Variants in DOCK3 observed in about 807,000 individuals in gnomAD.
DOCK3 encodes dedicator of cytokinesis 3, also known as dedicator of cytokinesis protein 3.
DOCK3 carries 60 observed loss-of-function variants against 265.6 expected under a neutral mutation model. The observed-to-expected ratio is 0.23, with a 90% CI of 0.18 to 0.28. DOCK3 has a LOEUF of 0.28. Among genes scored for constraint, DOCK3 ranks in the 10% least tolerant of loss-of-function variants. The probability of loss-of-function intolerance (pLI) is 1.00; values close to 1 mark genes in which losing one functional copy is unlikely to be tolerated. For missense variants in DOCK3, 1,981 were observed against 2,594.3 expected, an observed-to-expected ratio of 0.76 and a Z score of 5.14; for synonymous variants, 881 against 938.0, an observed-to-expected ratio of 0.94 and a Z score of 1.11.
chr3:51,199,275 G>A (rs954926067), intron 12 of DOCK3, among the ~76,000 whole-genome samples: 7 of 152,150 alleles, frequency 4.6e-5, no homozygotes, highest in East Asian at 1.9e-4. Context: ...AGGGAGTTCC[G>A]TTTCCTAGTC....
rs1373296151 is a variant in DOCK3, at chr3:51,384,090, CAAGT to C, written c.*2534_*2537del. 7.9e-5 allele frequency: 12 copies of C among 152,766 alleles called. No homozygotes were observed. The highest frequency in any genetic ancestry group is 7.8e-4 in the Admixed American group (12 of 15,310). The allele number at this position is 152,766 out of a possible 1,614,324, so 9.5% of individuals were successfully genotyped here. On this transcript the variant is annotated 3_prime_UTR_variant, in exon 53 of 53. Coordinates refer to ENST00000266037, the MANE Select transcript of DOCK3 (RefSeq NM_004947.5). The stretch of plus-strand genomic sequence containing the variant: ...TTGTGGTAGCATGTTCAAAATCCAA[CAAGT>C]AATGTGAATTTTAGATGTAAATATC...
intron 5 of DOCK3, among the ~76,000 whole-genome samples, chr3:51,047,540 A>G (rs2080826826): frequency 2.0e-5 from 3 of 152,052 alleles, no homozygotes; most frequent in South Asian, 2.1e-4. Flanking sequence ...GAGAGAGAAG[A>G]CTCATAAATA....
chr3:50,787,411 T>C, intron 2 of DOCK3: 1 of 411,964 alleles, frequency 2.4e-6, no homozygotes, highest in South Asian at 2.3e-5. Flanking sequence ...GATGCATGCC[T>C]GTAATCCCAG....
At chr3:51,181,600 G>A (rs1298107744) in intron 12 of DOCK3, among the ~76,000 whole-genome samples, 1 of 151,994 alleles carries the variant, frequency 6.6e-6, no homozygotes, top group Non-Finnish European at 1.5e-5. Context: ...AGGCATAATA[G>A]CCTATTTAAT....
At chr3:51,375,905 T>A (rs2088085510) in intron 51 of DOCK3, 70 bp downstream of exon 51, 6 of 1,535,078 alleles carry the variant, frequency 3.9e-6, no homozygotes, top group African/African-American at 2.7e-5. Context: ...TGTCCCTGAG[T>A]ACCAGCTGGC....
chr3:50,770,188 C>T (rs193268688), intron 1 of DOCK3, among the ~76,000 whole-genome samples: 73 of 152,128 alleles, frequency 4.8e-4, no homozygotes, highest in African/African-American at 1.7e-3. Context: ...ATGATATTAT[C>T]TTATATTTGG....
intron 1 of DOCK3, chr3:50,685,935 T>A (rs968333399): frequency 6.6e-6 from 1 of 152,326 alleles, no homozygotes; most frequent in African/African-American, 2.4e-5. Context: ...TTTTTGGATA[T>A]TAATCCTTTA....
chr3:50,878,743 G>A (rs1311150761), intron 3 of DOCK3, among the ~76,000 whole-genome samples: 4 of 152,058 alleles, frequency 2.6e-5, no homozygotes, highest in Non-Finnish European at 5.9e-5. Flanking sequence ...AGCTAGCAAG[G>A]CAGGCCAACA....
At chr3:50,788,224 C>T in intron 2 of DOCK3, 1 of 749,432 alleles carries the variant, frequency 1.3e-6, no homozygotes, top group Middle Eastern at 2.7e-4. Context: ...TTGTGCCATT[C>T]CTGCTACAGG....
chr3:51,137,136 T>C (rs975130994), intron 9 of DOCK3, among the ~76,000 whole-genome samples: 8 of 152,154 alleles, frequency 5.3e-5, no homozygotes, highest in Admixed American at 2.6e-4. Context: ...TATTTCTGCT[T>C]TCTGTGCTTT....
intron 5 of DOCK3, among the ~76,000 whole-genome samples, chr3:50,996,571 A>G (rs2078292366): frequency 6.6e-6 from 1 of 151,154 alleles, no homozygotes. Context: ...ATGATAATAA[A>G]CCCCATTATT....
At chr3:51,317,203 C>A (rs112809190) in intron 32 of DOCK3, among the ~76,000 whole-genome samples, 1 of 149,456 alleles carries the variant, frequency 6.7e-6, no homozygotes, top group African/African-American at 2.5e-5. Context: ...ATTCCAGCAT[C>A]TTTTGTTGAA....
chr3:51,273,571 C>G (rs1294945668), intron 24 of DOCK3, among the ~76,000 whole-genome samples: 1 of 152,168 alleles, frequency 6.6e-6, no homozygotes, highest in Non-Finnish European at 1.5e-5. Flanking sequence ...GTATTTTCAT[C>G]TACATAGTGC....
At chr3:50,701,704 T>A (rs1042560308) in intron 1 of DOCK3, among the ~76,000 whole-genome samples, 1 of 152,196 alleles carries the variant, frequency 6.6e-6, no homozygotes, top group Non-Finnish European at 1.5e-5. Context: ...TTGGGTCTTA[T>A]GTTTACCTCC....
At chr3:50,989,990 A>G (rs532105357) in intron 5 of DOCK3, among the ~76,000 whole-genome samples, 4 of 152,352 alleles carry the variant, frequency 2.6e-5, no homozygotes, top group Non-Finnish European at 5.9e-5. Context: ...ATAACACAAT[A>G]TAAGAATTTC....
At chr3:51,173,547 C>A (rs1278468289) in intron 12 of DOCK3, among the ~76,000 whole-genome samples, 1 of 152,198 alleles carries the variant, frequency 6.6e-6, no homozygotes, top group Non-Finnish European at 1.5e-5. Flanking sequence ...AGCTTTTGTT[C>A]ATCAAGATTA....
intron 12 of DOCK3, among the ~76,000 whole-genome samples, chr3:51,169,268 C>G (rs758021529): frequency 4.6e-5 from 7 of 152,136 alleles, no homozygotes; most frequent in Non-Finnish European, 8.8e-5. Context: ...ATTTTTCTAT[C>G]ATAAAGACAC....
At chr3:50,883,555 T>C (rs1031926132) in intron 3 of DOCK3, among the ~76,000 whole-genome samples, 89 of 152,280 alleles carry the variant, frequency 5.8e-4, no homozygotes, top group African/African-American at 1.7e-3. Context: ...CTTTTTGTTT[T>C]CCTTCATCTG....
intron 10 of DOCK3, among the ~76,000 whole-genome samples, chr3:51,149,341 T>G (rs1372026058): frequency 1.3e-5 from 2 of 152,164 alleles, no homozygotes; most frequent in South Asian, 2.1e-4. Context: ...TTCTTTCTCT[T>G]GCCTGATTGC....
Sources: gnomAD v4.1 joint callset for allele counts (sites outside exome capture counted in the v4.1 genomes callset) on GRCh38, gnomAD v4.1.1 for gene constraint, MANE v1.5 for transcripts, NCBI Gene and HGNC (gene_info 2026-07-23, HGNC 2026-07-21) for gene names.